The following PDE3A variants were observed in gnomAD, a reference collection of about 807,000 sequenced individuals.
The protein encoded by PDE3A is phosphodiesterase 3A, also known as cGMP-inhibited 3',5'-cyclic phosphodiesterase 3A.
In PDE3A, 43 loss-of-function variants were observed where a neutral mutation model predicts 98.3. The ratio of observed to expected loss-of-function variants is 0.44; its 90% CI spans 0.34 to 0.56. The LOEUF (loss-of-function observed/expected upper bound fraction) is 0.56, where lower values mean the gene tolerates loss of function less well. Ranked by LOEUF, PDE3A falls within the 20% of genes least tolerant of loss-of-function variation. PDE3A has a pLI of 0.01. For synonymous variants in PDE3A, 663 were observed against 567.9 expected (o/e 1.17, Z -2.38); for missense variants, 1,427 against 1,440.7 (o/e 0.99, Z 0.15).
intron 2 of PDE3A, among the ~76,000 whole-genome samples, chr12:20,595,774 A>T (rs1212503806): frequency 6.6e-6 from 1 of 152,158 alleles, no homozygotes; most frequent in Non-Finnish European, 1.5e-5. Context: ...GAAAGGGGCC[A>T]TTGCATCTGC....
At chr12:20,651,006 T>A (rs529807164) in intron 14 of PDE3A, among the ~76,000 whole-genome samples, 14 of 152,180 alleles carry the variant, frequency 9.2e-5, no homozygotes, top group African/African-American at 3.4e-4. Flanking sequence ...TCCTAAAAAA[T>A]TTATTTATTA....
chr12:20,540,227 A>C (rs1420425366), intron 1 of PDE3A, among the ~76,000 whole-genome samples: 1 of 152,112 alleles, frequency 6.6e-6, no homozygotes, highest in East Asian at 1.9e-4. Flanking sequence ...TCAAAGTAAA[A>C]ATTGTCTTTG....
intron 1 of PDE3A, among the ~76,000 whole-genome samples, chr12:20,378,738 A>G (rs993242343): frequency 2.0e-5 from 3 of 151,780 alleles, no homozygotes; most frequent in African/African-American, 7.2e-5. Flanking sequence ...GAAAGAGTTT[A>G]TACTTGAATG....
intron 1 of PDE3A, among the ~76,000 whole-genome samples, chr12:20,407,317 T>C (rs1303932348): frequency 1.3e-5 from 2 of 152,218 alleles, no homozygotes; most frequent in African/African-American, 4.8e-5. Flanking sequence ...TATAATTTTG[T>C]TTTCCTCATA....
chr12:20,618,808 G>A (rs891250467), intron 4 of PDE3A, among the ~76,000 whole-genome samples: 2 of 152,090 alleles, frequency 1.3e-5, no homozygotes, highest in African/African-American at 4.8e-5. Context: ...ATTGACCCCT[G>A]CCTGTGTATT....
chr12:20,634,792 G>C (rs1944461267), intron 7 of PDE3A, 110 bp from the exon 8 acceptor site: 4 of 744,884 alleles, frequency 5.4e-6, no homozygotes, highest in Admixed American at 2.1e-5. Flanking sequence ...CAGGAAAGCA[G>C]TATTTCCCTA....
At chr12:20,445,768 A>T (rs1043719671) in intron 1 of PDE3A, among the ~76,000 whole-genome samples, 2 of 152,248 alleles carry the variant, frequency 1.3e-5, no homozygotes, top group Non-Finnish European at 2.9e-5. Flanking sequence ...TGGAATATAG[A>T]GCCATTGCCC....
chr12:20,424,727 T>C (rs1944576435), intron 1 of PDE3A, among the ~76,000 whole-genome samples: 1 of 152,204 alleles, frequency 6.6e-6, no homozygotes, highest in African/African-American at 2.4e-5. Context: ...ACTCACACTG[T>C]GGAGAAAACC....
At chr12:20,549,124 CTA>C (rs1265040151) in intron 1 of PDE3A, among the ~76,000 whole-genome samples, 1 of 151,946 alleles carries the variant, frequency 6.6e-6, no homozygotes, top group Non-Finnish European at 1.5e-5. Context: ...GTTTATCACA[CTA>C]TGAGTAGTTT....
intron 1 of PDE3A, among the ~76,000 whole-genome samples, chr12:20,555,756 A>C (rs1326163460): frequency 1.3e-5 from 2 of 152,146 alleles, no homozygotes; most frequent in Non-Finnish European, 2.9e-5. Context: ...AACTTTTACC[A>C]TTTTCTGTAT....
At chr12:20,627,100 A>G (rs1195760848) in intron 5 of PDE3A, among the ~76,000 whole-genome samples, 1 of 151,224 alleles carries the variant, frequency 6.6e-6, no homozygotes, top group African/African-American at 2.4e-5. Flanking sequence ...GGGTGTCAAG[A>G]CAGAAATGGA....
chr12:20,423,066 C>T (rs1944546343), intron 1 of PDE3A, among the ~76,000 whole-genome samples: 1 of 151,912 alleles, frequency 6.6e-6, no homozygotes, highest in Admixed American at 6.6e-5. Flanking sequence ...TTATATAGTA[C>T]CAAATTATAA....
chr12:20,426,720 A>G (rs1001015585), intron 1 of PDE3A, among the ~76,000 whole-genome samples: 9 of 152,206 alleles, frequency 5.9e-5, no homozygotes, highest in Non-Finnish European at 1.3e-4. Flanking sequence ...TGAAAGTACC[A>G]TGTATATTTT....
At chr12:20,592,641 A>G (rs998903352) in intron 2 of PDE3A, among the ~76,000 whole-genome samples, 2 of 152,186 alleles carry the variant, frequency 1.3e-5, no homozygotes, top group Non-Finnish European at 2.9e-5. Flanking sequence ...GAGGGAGAGC[A>G]TCAGGGAAAT....
intron 1 of PDE3A, among the ~76,000 whole-genome samples, chr12:20,404,138 A>G (rs1269727753): frequency 1.3e-5 from 2 of 152,190 alleles, no homozygotes; most frequent in Admixed American, 1.3e-4. Context: ...ATGTTATTTG[A>G]GATAAACTAA....
chr12:20,371,240 G>T (rs1019411065), intron 1 of PDE3A: 1 of 357,058 alleles, frequency 2.8e-6, no homozygotes, highest in Non-Finnish European at 3.9e-6. Flanking sequence ...AGGGCATAAA[G>T]GAACAAATCC....
At chr12:20,484,640 T>C (rs1230191401) in intron 1 of PDE3A, among the ~76,000 whole-genome samples, 2 of 152,206 alleles carry the variant, frequency 1.3e-5, no homozygotes, top group African/African-American at 2.4e-5. Flanking sequence ...ACTTTCTGCT[T>C]TGTCTTTTAC....
intron 15 of PDE3A, among the ~76,000 whole-genome samples, chr12:20,656,524 A>G (rs1945047931): frequency 6.6e-6 from 1 of 152,270 alleles, no homozygotes; most frequent in Non-Finnish European, 1.5e-5. Context: ...TGATGCAAAT[A>G]AAAAGACTTC....
At chr12:20,508,908 A>G (rs1365608116) in intron 1 of PDE3A, among the ~76,000 whole-genome samples, 2 of 150,882 alleles carry the variant, frequency 1.3e-5, no homozygotes, top group Non-Finnish European at 3.0e-5. Context: ...TACTAGTTTT[A>G]TTCTTGGAGA....
Sources: gnomAD v4.1 joint callset for allele counts (sites outside exome capture counted in the v4.1 genomes callset) on GRCh38, gnomAD v4.1.1 for gene constraint, MANE v1.5 for transcripts, NCBI Gene and HGNC (gene_info 2026-07-23, HGNC 2026-07-21) for gene names.